Variants in PAN3 observed in about 807,000 individuals in gnomAD.
PAN3 encodes the protein PAN2-PAN3 deadenylation complex subunit PAN3.
A neutral mutation model predicts 96.2 loss-of-function variants in PAN3; 19 were observed. That is an observed-to-expected ratio of 0.20 (90% confidence interval 0.14 to 0.29). The LOEUF (loss-of-function observed/expected upper bound fraction) is 0.29, where lower values mean the gene tolerates loss of function less well. Ranked by LOEUF, PAN3 falls within the 10% of genes least tolerant of loss-of-function variation. The probability of loss-of-function intolerance (pLI) is 1.00; values close to 1 mark genes in which losing one functional copy is unlikely to be tolerated. For missense variants in PAN3, 882 were observed against 1,108.1 expected (o/e 0.80, Z 2.90); for synonymous variants, 433 against 406.6 (o/e 1.06, Z -0.78).
At chr13:28,210,068 G>A (rs543004606) in intron 5 of PAN3, among the ~76,000 whole-genome samples, 1 of 152,228 alleles carries the variant, frequency 6.6e-6, no homozygotes, top group South Asian at 2.1e-4. Context: ...ACAAGTGTGA[G>A]CCACTGCACG....
chr13:28,234,156 C>T (rs943216202), intron 6 of PAN3, among the ~76,000 whole-genome samples: 3 of 152,152 alleles, frequency 2.0e-5, no homozygotes, highest in African/African-American at 7.2e-5. Context: ...TCAGGGAGAA[C>T]AGGCTTCCCC....
intron 4 of PAN3, among the ~76,000 whole-genome samples, chr13:28,179,251 GA>G (rs887285953): frequency 1.3e-5 from 2 of 152,174 alleles, no homozygotes; most frequent in African/African-American, 2.4e-5. Flanking sequence ...GAGTTGGACA[GA>G]AACAGACCCA....
intron 16 of PAN3, among the ~76,000 whole-genome samples, 154 bp from the exon 17 acceptor site, chr13:28,281,161 T>C (rs1263540463): frequency 6.6e-6 from 1 of 152,248 alleles, no homozygotes; most frequent in Non-Finnish European, 1.5e-5. Flanking sequence ...ATGGACATAT[T>C]GTGTTTGTTT....
At chr13:28,180,384 G>T (rs1875612830) in intron 4 of PAN3, among the ~76,000 whole-genome samples, 1 of 152,060 alleles carries the variant, frequency 6.6e-6, no homozygotes. Context: ...AATCTTTGTG[G>T]GTACAGGTTG....
chr13:28,267,085 T>C lies in PAN3; in HGVS notation c.1574-10T>C, dbSNP rs1886246814. On this transcript the variant is annotated splice_polypyrimidine_tract_variant and intron_variant, in intron 10 of 18. Coordinates refer to ENST00000380958, the MANE Select transcript of PAN3 (RefSeq NM_175854.8). ...TTAGAGTTTACTGGAGTAGAAAAAT[T>C]GTCTTCCAGGTTTTCGTCTTGTTAA... 6.3e-7 allele frequency: 1 copy of C among 1,584,846 alleles called. No individual in the cohort carries two copies. The highest frequency in any genetic ancestry group is 1.4e-5 in the African/African-American group (1 of 73,772).
intron 5 of PAN3, chr13:28,215,721 G>T: frequency 6.7e-7 from 1 of 1,499,226 alleles, no homozygotes. Flanking sequence ...TGTTGATATA[G>T]TTCCTGGCAA....
At chr13:28,253,338 T>G (rs1429191525) in intron 6 of PAN3, among the ~76,000 whole-genome samples, 1 of 152,166 alleles carries the variant, frequency 6.6e-6, no homozygotes, top group African/African-American at 2.4e-5. Context: ...AGAATGGGCA[T>G]CTTGTTAGTA....
chr13:28,289,694 A>G (rs550760040), intron 18 of PAN3, among the ~76,000 whole-genome samples: 2 of 152,302 alleles, frequency 1.3e-5, no homozygotes, highest in South Asian at 4.1e-4. Context: ...ATCCTGGCTA[A>G]CACGGTGAAA....
At chr13:28,222,625 A>G (rs951331098) in intron 6 of PAN3, among the ~76,000 whole-genome samples, 2 of 152,186 alleles carry the variant, frequency 1.3e-5, no homozygotes, top group African/African-American at 2.4e-5. Flanking sequence ...CGGAAAAACC[A>G]TTGTACTCTC....
intron 1 of PAN3, among the ~76,000 whole-genome samples, chr13:28,152,352 G>C (rs1041468836): frequency 1.3e-5 from 2 of 152,110 alleles, no homozygotes; most frequent in East Asian, 3.9e-4. Context: ...GGGAAGGTGA[G>C]GGGGGTGGAT....
At chr13:28,277,069 G>T (rs959438349) in intron 14 of PAN3, among the ~76,000 whole-genome samples, 168 bp from the exon 15 acceptor site, 43 of 152,132 alleles carry the variant, frequency 2.8e-4, no homozygotes, top group African/African-American at 1.0e-3. Context: ...GAGGCTCGAA[G>T]TCGTCTTTTT....
At chr13:28,287,011 T>C (rs535760051) in intron 17 of PAN3, among the ~76,000 whole-genome samples, 30 of 152,150 alleles carry the variant, frequency 2.0e-4, no homozygotes, top group Non-Finnish European at 3.5e-4. Flanking sequence ...CTTCACTCTG[T>C]TCCTTTTCCT....
At chr13:28,161,421 T>C (rs1021738245) in intron 1 of PAN3, among the ~76,000 whole-genome samples, 2 of 152,220 alleles carry the variant, frequency 1.3e-5, no homozygotes, top group African/African-American at 2.4e-5. Flanking sequence ...GTTTTCCCTT[T>C]GTGTGCATCT....
chr13:28,212,050 A>G (rs745993492), intron 5 of PAN3, among the ~76,000 whole-genome samples: 2 of 152,190 alleles, frequency 1.3e-5, no homozygotes, highest in Non-Finnish European at 2.9e-5. Context: ...GCAATTTACC[A>G]AGGGATCCCT....
chr13:28,199,993 A>T (rs375162796), intron 5 of PAN3, among the ~76,000 whole-genome samples: 3 of 152,290 alleles, frequency 2.0e-5, no homozygotes, highest in African/African-American at 7.2e-5. Flanking sequence ...GTCTTTTGGT[A>T]TTGCTAATAG....
rs751962200 is a variant in PAN3 at position 28,292,467 on chromosome 13, G to T, written c.2609G>T (p.Arg870Leu). 2 of 1,612,356 alleles carry T rather than the reference G, an allele frequency of 1.2e-6. No individual in the cohort carries two copies. The highest frequency in any genetic ancestry group is 1.1e-5 in the South Asian group (1 of 90,654). The change falls in exon 19 of 19, where the codon CGC becomes CTC. Residue 870 changes from arginine (R) to leucine (L), a missense_variant. Physicochemically the swap from Arg to Leu is moderately radical, Grantham distance 102 (BLOSUM62 -2). Transcript: ENST00000380958. The stretch of plus-strand genomic sequence containing the variant: ...GTGGTGACCTACAGTGACTTAAAGC[G>T]CTGCTTTGAAAATACTTTTCAAGAA... Reference protein sequence around the residue: ...VLVVTYSDLKRCFENTFQELI... With the variant: ...VLVVTYSDLKLCFENTFQELI...
At chr13:28,281,465 GA>G in intron 17 of PAN3, 86 bp downstream of exon 17, 1 of 1,203,468 alleles carries the variant, frequency 8.3e-7, no homozygotes, top group South Asian at 1.3e-5. Context: ...GCTTTATTTG[GA>G]AAAAGAGAAA....
At chr13:28,181,460 C>T (rs115667799) in intron 4 of PAN3, among the ~76,000 whole-genome samples, 2 of 140,104 alleles carry the variant, frequency 1.4e-5, no homozygotes, top group Admixed American at 7.8e-5. Context: ...TGCAGTGAGC[C>T]GTGATCACTC....
rs548331734 is a variant in PAN3, at chr13:28,261,339, A to G, written c.1354-62A>G. 59 of 1,168,572 alleles carry G rather than the reference A, an allele frequency of 5.0e-5. No homozygotes were observed. In the East Asian group the frequency reaches 1.4e-3, roughly 28 times the overall value. The allele number at this position is 1,168,572 out of a possible 1,614,324, so 72.4% of individuals were successfully genotyped here. On this transcript the variant is annotated intron_variant, in intron 8 of 18. Transcript: ENST00000380958. ...ATTAATACTTAGGTTATTTAATTAT[A>G]ATAGGAATTCCAGGTTTCAGAATCT...
Sources: allele counts gnomAD v4.1 joint callset (sites outside exome capture counted in the v4.1 genomes callset), GRCh38; gene constraint gnomAD v4.1.1; transcripts MANE v1.5; gene names NCBI Gene and HGNC (gene_info 2026-07-23, HGNC 2026-07-21).